NEK1: variants seen among roughly 807,000 people sequenced by gnomAD.
NEK1 encodes NIMA related kinase 1, also known as serine/threonine-protein kinase Nek1.
A neutral mutation model predicts 182.1 loss-of-function variants in NEK1; 137 were observed. That is an observed-to-expected ratio of 0.75 (90% CI 0.65 to 0.87). The LOEUF is 0.87. Among genes scored for constraint, NEK1 ranks in the 40% least tolerant of loss-of-function variants. The pLI is 0.00. For synonymous variants in NEK1, 513 were observed against 492.2 expected, an observed-to-expected ratio of 1.04 and a Z score of -0.56; for missense variants, 1,391 against 1,494.4, an observed-to-expected ratio of 0.93 and a Z score of 1.14.
At chr4:169,458,384 A>G (rs1329378407) in intron 27 of NEK1, among the ~76,000 whole-genome samples, 2 of 152,152 alleles carry the variant, frequency 1.3e-5, no homozygotes, top group Non-Finnish European at 2.9e-5. Flanking sequence ...CACAGACCTT[A>G]TAACTCTTCA....
chr4:169,412,060 G>A (rs1190516733), intron 31 of NEK1, among the ~76,000 whole-genome samples: 2 of 152,186 alleles, frequency 1.3e-5, no homozygotes, highest in African/African-American at 4.8e-5. Flanking sequence ...ATGGCTCCAT[G>A]AGCAGAGGAT....
chr4:169,569,429 T>G (rs1764255693), intron 12 of NEK1, among the ~76,000 whole-genome samples: 1 of 149,962 alleles, frequency 6.7e-6, no homozygotes, highest in South Asian at 2.1e-4. Flanking sequence ...GCTCTCTCCC[T>G]CTCCCTCTCC....
chr4:169,445,865 T>TATATATACACACACACACAC, intron 27 of NEK1, among the ~76,000 whole-genome samples: 1 of 143,280 alleles, frequency 7.0e-6, no homozygotes, highest in Non-Finnish European at 1.5e-5. Flanking sequence ...TATATATATA[T>TATATATACACACACACACAC]ACACACACAC....
intron 18 of NEK1, among the ~76,000 whole-genome samples, chr4:169,541,704 T>A (rs1027704563): frequency 1.3e-5 from 2 of 152,124 alleles, no homozygotes; most frequent in African/African-American, 4.8e-5. Context: ...CACTAAACAG[T>A]ACAAGACAAA....
intron 7 of NEK1, among the ~76,000 whole-genome samples, chr4:169,589,012 T>A (rs1445354693): frequency 6.6e-6 from 1 of 152,122 alleles, no homozygotes; most frequent in East Asian, 1.9e-4. Flanking sequence ...CACTCACCAC[T>A]CACTCACTCA....
chr4:169,446,984 T>C (rs1217115186), intron 27 of NEK1, among the ~76,000 whole-genome samples: 2 of 146,062 alleles, frequency 1.4e-5, no homozygotes, highest in African/African-American at 5.5e-5. Context: ...GAGTGATTCG[T>C]TGTAACGAGG....
At chr4:169,572,666 A>T (rs1349090398) in intron 12 of NEK1, among the ~76,000 whole-genome samples, 1 of 152,188 alleles carries the variant, frequency 6.6e-6, no homozygotes, top group Non-Finnish European at 1.5e-5. Flanking sequence ...GAACTTGCAA[A>T]GGAGGCTGAG....
At chr4:169,575,813 G>T (rs1448853928) in intron 12 of NEK1, among the ~76,000 whole-genome samples, 3 of 152,098 alleles carry the variant, frequency 2.0e-5, no homozygotes, top group Non-Finnish European at 4.4e-5. Context: ...TCGCGATGGG[G>T]TTAGGGTTTC....
At chr4:169,530,949 T>A (rs1156466650) in intron 19 of NEK1, among the ~76,000 whole-genome samples, 1 of 148,848 alleles carries the variant, frequency 6.7e-6, no homozygotes, top group African/African-American at 2.5e-5. Context: ...GGACAGAAGT[T>A]AGGAGAGTCA....
At chr4:169,569,825 G>A (rs1044411911) in intron 12 of NEK1, among the ~76,000 whole-genome samples, 4 of 152,176 alleles carry the variant, frequency 2.6e-5, no homozygotes, top group Non-Finnish European at 5.9e-5. Flanking sequence ...GTGCAGTGTC[G>A]TGATCTCGGC....
At chr4:169,523,685 T>C (rs946758676) in intron 19 of NEK1, among the ~76,000 whole-genome samples, 3 of 152,204 alleles carry the variant, frequency 2.0e-5, no homozygotes, top group Admixed American at 6.5e-5. Flanking sequence ...CAGACTAATA[T>C]AGAGGTAATG....
At chr4:169,602,143 T>C (rs1175112254) in intron 3 of NEK1, 39 bp from the exon 4 acceptor site, 1 of 1,419,980 alleles carries the variant, frequency 7.0e-7, no homozygotes, top group South Asian at 1.1e-5. Context: ...AATGAAACCA[T>C]TAATAAACAA....
chr4:169,443,297 G>A lies in NEK1; in HGVS notation c.2588-5038C>T, dbSNP rs563920063. 1.9e-3 allele frequency among the ~76,000 whole-genome samples: 285 copies of A among 152,016 alleles called. 2 individuals are homozygous for A. The highest frequency in any genetic ancestry group is 5.1e-3 in the Admixed American group (77 of 15,230). On this transcript the variant is annotated intron_variant, in intron 27 of 35. Transcript: ENST00000507142. ...CAGCACTGCCACTGCACTCCAGCCT[G>A]GGTGACAGAGCCCTGTCTCAAAAAC...
chr4:169,596,371 T>A (rs1314387751), intron 5 of NEK1, among the ~76,000 whole-genome samples: 1 of 152,182 alleles, frequency 6.6e-6, no homozygotes, highest in Non-Finnish European at 1.5e-5. Flanking sequence ...CCAGATTTTA[T>A]TTTGATCAAG....
At chr4:169,424,209 C>A (rs1355221735) in intron 31 of NEK1, among the ~76,000 whole-genome samples, 1 of 152,008 alleles carries the variant, frequency 6.6e-6, no homozygotes, top group South Asian at 2.1e-4. Flanking sequence ...CAATATAGCA[C>A]CTCTGTCTAT....
At chr4:169,507,552 G>C (rs555385429) in intron 22 of NEK1, among the ~76,000 whole-genome samples, 163 bp downstream of exon 22, 49 of 151,902 alleles carry the variant, frequency 3.2e-4, no homozygotes, top group Admixed American at 1.2e-3. Flanking sequence ...AATACAAAAA[G>C]AGAAAAATAC....
intron 19 of NEK1, among the ~76,000 whole-genome samples, chr4:169,513,250 T>A (rs891869554): frequency 2.0e-5 from 3 of 152,222 alleles, no homozygotes; most frequent in African/African-American, 7.2e-5. Context: ...TTAGGTCTTC[T>A]TAGATTTTTT....
At chr4:169,484,567 GA>G (rs1382930561) in intron 23 of NEK1, among the ~76,000 whole-genome samples, 1 of 151,972 alleles carries the variant, frequency 6.6e-6, no homozygotes. Flanking sequence ...ATGTTACAGA[GA>G]AAAAAATAAA....
At chr4:169,547,355 T>C (rs1391653389) in intron 18 of NEK1, among the ~76,000 whole-genome samples, 4 of 152,246 alleles carry the variant, frequency 2.6e-5, no homozygotes, top group African/African-American at 9.6e-5. Context: ...GTTAGTCCGA[T>C]GGGCTTCCCT....
Sources: gnomAD v4.1 joint callset for allele counts (sites outside exome capture counted in the v4.1 genomes callset) on GRCh38, gnomAD v4.1.1 for gene constraint, MANE v1.5 for transcripts, NCBI Gene and HGNC (gene_info 2026-07-23, HGNC 2026-07-21) for gene names.